The following CSNK2A1 variants were observed in gnomAD, a reference collection of about 807,000 sequenced individuals.
CSNK2A1 encodes casein kinase II subunit alpha.
Under a neutral mutation model 62.9 loss-of-function variants are expected in CSNK2A1, and 10 were observed. That is an observed-to-expected ratio of 0.16 (90% CI 0.10 to 0.27). CSNK2A1 has a LOEUF of 0.27. Among genes scored for constraint, CSNK2A1 ranks in the 10% least tolerant of loss-of-function variants. The pLI, the probability that CSNK2A1 is intolerant of heterozygous loss-of-function variation, is 1.00. For missense variants in CSNK2A1, 160 were observed against 492.0 expected, an observed-to-expected ratio of 0.33 and a Z score of 6.38; for synonymous variants, 124 against 167.8, an observed-to-expected ratio of 0.74 and a Z score of 2.02.
intron 2 of CSNK2A1, among the ~76,000 whole-genome samples, chr20:515,663 A>C (rs77196858): frequency 6.6e-6 from 1 of 152,162 alleles, no homozygotes; most frequent in Non-Finnish European, 1.5e-5. Context: ...TAATTTCTCA[A>C]TTGGACCCTA....
chr20:508,228 A>G (rs2018646426), intron 3 of CSNK2A1: 3 of 481,148 alleles, frequency 6.2e-6, no homozygotes, highest in Non-Finnish European at 1.1e-5. Flanking sequence ...AGAAACTAAA[A>G]TGATTTTTAA....
At chr20:530,859 C>T (rs1039229403) in intron 1 of CSNK2A1, among the ~76,000 whole-genome samples, 3 of 152,026 alleles carry the variant, frequency 2.0e-5, no homozygotes, top group Non-Finnish European at 2.9e-5. Context: ...CTGAGGCAGG[C>T]GGATTACCTG....
intron 8 of CSNK2A1, chr20:495,515 CAT>C (rs1424174510): frequency 1.0e-5 from 5 of 500,456 alleles, no homozygotes; most frequent in Non-Finnish European, 1.8e-5. Flanking sequence ...CCACTTTACT[CAT>C]GTTTCCTTCT....
chr20:488,859 A>T (rs565429343), intron 10 of CSNK2A1, 81 bp from the exon 11 acceptor site: 1 of 1,312,072 alleles, frequency 7.6e-7, no homozygotes, highest in Admixed American at 1.9e-5. Context: ...TTGAATTTAC[A>T]TAAACGGGTC....
At position 543,776 on chromosome 20, in the gene CSNK2A1, G is replaced by A. The variant is rs1042809138; in HGVS notation, c.-331C>T. ...ACACGGCTCGGCCGCCAGCCGCAGG[G>A]ACCAGAGCGAGGCTGCAGCCGCTGC... On this transcript the variant is annotated 5_prime_UTR_variant, in exon 1 of 14. Transcript: ENST00000217244. 3 of 398,314 alleles carry A rather than the reference G, an allele frequency of 7.5e-6. No individual in the cohort carries two copies. Among genetic ancestry groups the A allele is most frequent in the Non-Finnish European group, 8.8e-6 (2 of 226,004 alleles). 24.7% of individuals were successfully genotyped at this position (398,314 alleles called of 1,614,324 possible).
At chr20:510,357 TAG>T (rs1476532873) in intron 2 of CSNK2A1, 1 of 152,146 alleles carries the variant, frequency 6.6e-6, no homozygotes. Flanking sequence ...GTATTTTTAG[TAG>T]AGATAGGGTT....
chr20:499,442 A>T lies in CSNK2A1; in HGVS notation c.316-137T>A. On this transcript the variant is annotated intron_variant, in intron 5 of 13. Transcript: ENST00000217244. The surrounding 1 kb of genome is among the most constrained non-coding windows in gnomAD (Gnocchi z 4.2). ...TAGTAAGAAACCCTCTATTGCTACA[A>T]GCCCTCCCCGCTCTGATCATCACCG... 1 of 688,664 alleles carries T rather than the reference A, an allele frequency of 1.5e-6. No homozygotes were observed. Among genetic ancestry groups the T allele is most frequent in the Admixed American group, 2.9e-5 (1 of 34,166 alleles). 42.7% of individuals were successfully genotyped at this position (688,664 alleles called of 1,614,324 possible).
intron 2 of CSNK2A1, among the ~76,000 whole-genome samples, chr20:517,813 GTAAAAAA>G (rs2018859207): frequency 6.6e-6 from 1 of 152,146 alleles, no homozygotes; most frequent in Non-Finnish European, 1.5e-5. Context: ...GGCATCAGGT[GTAAAAAA>G]GCACCTGATG....
chr20:499,902 T>C lies in CSNK2A1; in HGVS notation c.246A>G (p.Ile82Met). 2 of 1,613,630 alleles carry C rather than the reference T, an allele frequency of 1.2e-6. No homozygotes were observed. The highest frequency in any genetic ancestry group is 1.7e-6 in the Non-Finnish European group (2 of 1,179,954). ...CTCCTCTCAAATTCTCCAAAATCTT[T>C]ATTTCACGCTTAATTTTCTTCTTTT... ...PVKKKKIKREIKILENLRGGP... is the reference protein window; with the variant it reads ...PVKKKKIKREMKILENLRGGP... The change falls in exon 5 of 14, where the codon ATA (isoleucine) becomes ATG (methionine). Residue 82 changes from isoleucine (I) to methionine (M), a missense_variant. By Grantham distance (10) the Ile-to-Met change is conservative. This residue lies in a region of CSNK2A1 where 94 missense variants were observed against 357.6 expected (regional missense o/e 0.26). Coordinates refer to ENST00000217244, the MANE Select transcript of CSNK2A1 (RefSeq NM_177559.3). This position sits in a 1 kb window ranked among gnomAD's most constrained non-coding sequence, Gnocchi z 4.2.
At chr20:525,234 A>G (rs899387287) in intron 2 of CSNK2A1, among the ~76,000 whole-genome samples, 23 of 152,126 alleles carry the variant, frequency 1.5e-4, no homozygotes, top group African/African-American at 5.6e-4. Flanking sequence ...AACTTAGGCC[A>G]GGTGTGGTTG....
chr20:479,346 T>C lies in CSNK2A1; in HGVS notation c.*4615A>G, dbSNP rs1003800927. On this transcript the variant is annotated 3_prime_UTR_variant, in exon 14 of 14. Coordinates refer to ENST00000217244, the MANE Select transcript of CSNK2A1 (RefSeq NM_177559.3). ...TATGAAATCAGTACTTATACCCCAA[T>C]TTAACAGATAGGAAATATTGGGACC... is the stretch of plus-strand genomic sequence containing the variant. 1 of 152,042 alleles carries C rather than the reference T, an allele frequency of 6.6e-6. No homozygotes were observed. The highest frequency in any genetic ancestry group is 2.4e-5 in the African/African-American group (1 of 41,352). The allele number at this position is 152,042 out of a possible 1,614,324, so 9.4% of individuals were successfully genotyped here.
Position 479,794 on chromosome 20 carries a change from T to C in CSNK2A1, c.*4167A>G. On this transcript the variant is annotated 3_prime_UTR_variant, in exon 14 of 14. Coordinates refer to ENST00000217244, the MANE Select transcript of CSNK2A1 (RefSeq NM_177559.3). ...GAATTTCGTATTACACGTTGAGCATTTCTAATTTGAAAATACAAAATCCTC... is the reference window on the plus strand; with the variant it reads ...GAATTTCGTATTACACGTTGAGCATCTCTAATTTGAAAATACAAAATCCTC... 6.6e-6 allele frequency: 1 copy of C among 152,198 alleles called. No homozygotes were observed. The highest frequency in any genetic ancestry group is 2.1e-4 in the South Asian group (1 of 4,832). 9.4% of individuals were successfully genotyped at this position (152,198 alleles called of 1,614,324 possible). A position where few individuals can be genotyped will look rare whatever the true frequency, so the allele number is the denominator to read the frequency against.
Position 476,165 on chromosome 20 carries a change from C to T in CSNK2A1, c.*7796G>A, listed in dbSNP as rs573312381. ...GCCTTGGCAGCTGAAACTTGTTAGG[C>T]TGGGCCTCTCCCTCGCCAGTTCAGG... is the stretch of plus-strand genomic sequence containing the variant. On this transcript the variant is annotated 3_prime_UTR_variant, in exon 14 of 14. Transcript: ENST00000217244. 2 of 152,572 alleles carry T rather than the reference C, an allele frequency of 1.3e-5. No individual in the cohort carries two copies. Among genetic ancestry groups the T allele is most frequent in the East Asian group, 1.9e-4 (1 of 5,194 alleles). 9.5% of individuals were successfully genotyped at this position (152,572 alleles called of 1,614,324 possible).
At chr20:492,104 AT>A in intron 9 of CSNK2A1, 149 bp downstream of exon 9, 1 of 627,330 alleles carries the variant, frequency 1.6e-6, no homozygotes, top group Non-Finnish European at 2.8e-6. Flanking sequence ...AATTAAGGTG[AT>A]TTATATTTTA....
At chr20:492,877 G>A (rs767879773) in intron 8 of CSNK2A1, among the ~76,000 whole-genome samples, 1 of 152,092 alleles carries the variant, frequency 6.6e-6, no homozygotes, top group South Asian at 2.1e-4. Flanking sequence ...GGAGAAAAAT[G>A]AATAAATATT....
Position 492,180 on chromosome 20 carries a change from T to TA in CSNK2A1, c.621+73dup, listed in dbSNP as rs552184924. ...TGGCCTACCTAAATGCACAAAATGA[T>TA]ACTTTTTTTTTTTTGGTAAATTATG... On this transcript the variant is annotated intron_variant, in intron 9 of 13. Transcript: ENST00000217244. The TA allele has an allele frequency of 1.6e-3, 2,151 of 1,312,000 alleles. 2 individuals carry two copies. Among genetic ancestry groups the TA allele is most frequent in the Non-Finnish European group, 1.7e-3 (1,569 of 926,778 alleles). 81.3% of individuals were successfully genotyped at this position (1,312,000 alleles called of 1,614,324 possible).
chr20:515,194 G>A (rs1441024250), intron 2 of CSNK2A1, among the ~76,000 whole-genome samples: 1 of 152,120 alleles, frequency 6.6e-6, no homozygotes, highest in African/African-American at 2.4e-5. Flanking sequence ...ACTAATATGA[G>A]GAACAAAATT....
At chr20:512,951 T>C (rs2018755136) in intron 2 of CSNK2A1, among the ~76,000 whole-genome samples, 1 of 151,758 alleles carries the variant, frequency 6.6e-6, no homozygotes, top group Non-Finnish European at 1.5e-5. Flanking sequence ...AATAAGGTCA[T>C]CTATGTTGTA....
chr20:523,858 C>CAAAAAAAAAAAAAAAAAAAAAAA (rs11401840), intron 2 of CSNK2A1, among the ~76,000 whole-genome samples: 2 of 45,538 alleles, frequency 4.4e-5, no homozygotes, highest in African/African-American at 1.8e-4. Flanking sequence ...GACTCCATCT[C>CAAAAAAAAAAAAAAAAAAAAAAA]AAAAAAAAAA....
Sources: allele counts gnomAD v4.1 joint callset (sites outside exome capture counted in the v4.1 genomes callset), GRCh38; gene constraint gnomAD v4.1.1; regional missense constraint gnomAD v4.1.1; non-coding constraint Gnocchi (gnomAD v3.1); transcripts MANE v1.5; gene names NCBI Gene and HGNC (gene_info 2026-07-23, HGNC 2026-07-21).